VWDE: variants seen among roughly 807,000 people sequenced by gnomAD.
VWDE encodes the protein von Willebrand factor D and EGF domains, also known as von Willebrand factor D and EGF domain-containing protein.
VWDE carries 207 observed loss-of-function variants against 178.4 expected under a neutral mutation model. The ratio of observed to expected loss-of-function variants is 1.16; its 90% CI spans 1.04 to 1.30. The LOEUF (loss-of-function observed/expected upper bound fraction) is 1.30. VWDE is among the 50% of genes most tolerant of loss of function. The probability of loss-of-function intolerance (pLI) is 0.00; values close to 1 mark genes in which losing one functional copy is unlikely to be tolerated. For missense variants in VWDE, 2,287 were observed against 1,901.3 expected (o/e 1.20, Z -3.77); for synonymous variants, 738 against 651.4 (o/e 1.13, Z -2.02).
At chr7:12,395,657 T>C (rs1490076776) in intron 1 of VWDE, among the ~76,000 whole-genome samples, 2 of 152,036 alleles carry the variant, frequency 1.3e-5, no homozygotes, top group Admixed American at 1.3e-4. Flanking sequence ...TAAATTCATA[T>C]ATTTTATATC....
chr7:12,336,944 C>T (rs1399694427), intron 26 of VWDE, 44 bp downstream of exon 26: 1 of 1,490,180 alleles, frequency 6.7e-7, no homozygotes, highest in African/African-American at 1.4e-5. Context: ...TTTACATTCC[C>T]ATGAAGGACG....
chr7:12,396,917 A>G (rs1448081933), intron 1 of VWDE, among the ~76,000 whole-genome samples: 1 of 152,176 alleles, frequency 6.6e-6, no homozygotes, highest in African/African-American at 2.4e-5. Flanking sequence ...CCTGGGCAAC[A>G]AGAGTGAAAC....
In VWDE at chr7:12,331,071, A is replaced by T; in HGVS notation, c.*112T>A. 1 of 770,638 alleles carries T rather than the reference A, an allele frequency of 1.3e-6. No individual in the cohort carries two copies. Among genetic ancestry groups the T allele is most frequent in the Non-Finnish European group, 2.0e-6 (1 of 488,828 alleles). The allele number at this position is 770,638 out of a possible 1,614,324, so 47.7% of individuals were successfully genotyped here. On this transcript the variant is annotated 3_prime_UTR_variant, in exon 29 of 29. Coordinates refer to ENST00000275358, the MANE Select transcript of VWDE (RefSeq NM_001135924.3). ...TATTTTATTAGTTTCTTCAGTCTTT[A>T]AGATATTTTTTGAATGATGTTCAAA...
At chr7:12,383,684 A>G (rs1446295768) in intron 3 of VWDE, 83 bp from the exon 4 acceptor site, 1 of 1,197,184 alleles carries the variant, frequency 8.4e-7, no homozygotes, top group Non-Finnish European at 1.2e-6. Flanking sequence ...CAATTTATTG[A>G]AGGATGATTT....
intron 12 of VWDE, among the ~76,000 whole-genome samples, chr7:12,368,600 G>C (rs1446085512): frequency 6.6e-6 from 1 of 152,138 alleles, no homozygotes; most frequent in Non-Finnish European, 1.5e-5. Flanking sequence ...AGGAACCTCA[G>C]ACTACCTAGG....
chr7:12,350,937 C>A (rs916018998), intron 19 of VWDE, among the ~76,000 whole-genome samples: 1 of 152,030 alleles, frequency 6.6e-6, no homozygotes, highest in Admixed American at 6.6e-5. Context: ...TTATTGTCTG[C>A]CTGTAAAATC....
intron 2 of VWDE, among the ~76,000 whole-genome samples, chr7:12,392,943 A>G (rs1784454573): frequency 1.3e-5 from 2 of 152,084 alleles, no homozygotes; most frequent in Non-Finnish European, 2.9e-5. Flanking sequence ...TGCTGGCTGC[A>G]CAAATTTGGG....
intron 21 of VWDE, 145 bp from the exon 22 acceptor site, chr7:12,343,323 T>G: frequency 1.9e-6 from 1 of 520,118 alleles, no homozygotes; most frequent in Non-Finnish European, 3.4e-6. Context: ...CTTAGTTCTG[T>G]GGGACTGACT....
intron 1 of VWDE, among the ~76,000 whole-genome samples, chr7:12,396,711 T>A (rs1235980378): frequency 8.6e-5 from 13 of 150,706 alleles, no homozygotes; most frequent in Non-Finnish European, 1.9e-4. Context: ...AGGCCAGGAG[T>A]TGGAGACCAG....
chr7:12,403,043 A>G (rs1036347689), intron 1 of VWDE, among the ~76,000 whole-genome samples: 4 of 152,344 alleles, frequency 2.6e-5, no homozygotes, highest in African/African-American at 9.6e-5. Flanking sequence ...ACTTCACTGT[A>G]TTTTAAACTA....
At chr7:12,397,361 A>T (rs568691895) in intron 1 of VWDE, among the ~76,000 whole-genome samples, 1 of 152,226 alleles carries the variant, frequency 6.6e-6, no homozygotes, top group Non-Finnish European at 1.5e-5. Flanking sequence ...ATAACTGGCT[A>T]GCCATAGGCA....
intron 13 of VWDE, among the ~76,000 whole-genome samples, chr7:12,366,472 T>TA (rs1782866161): frequency 6.6e-6 from 1 of 152,158 alleles, no homozygotes; most frequent in African/African-American, 2.4e-5. Context: ...TCTATTCTCT[T>TA]AAGTGATATT....
rs4636090 is a variant in VWDE, at chr7:12,391,328, G to A, written c.244-1970C>T. On this transcript the variant is annotated intron_variant, in intron 2 of 28. Coordinates refer to ENST00000275358, the MANE Select transcript of VWDE (RefSeq NM_001135924.3). ...GTAAGTCCACGTGTATTAACCTGTA[G>A]AGAAAAAAAATCTATTGATTTTCTG... 3.4e-3 allele frequency among the ~76,000 whole-genome samples: 520 copies of A among 152,134 alleles called. 4 individuals are homozygous for A. Among genetic ancestry groups the A allele is most frequent in the African/African-American group, 0.012 (492 of 41,504 alleles).
chr7:12,380,081 C>G (rs1019036204), intron 5 of VWDE, among the ~76,000 whole-genome samples: 18 of 149,318 alleles, frequency 1.2e-4, no homozygotes, highest in Admixed American at 2.0e-4. Context: ...TCCAGCCTGG[C>G]GACAGAGTGA....
At chr7:12,340,268 G>A in intron 24 of VWDE, 54 bp downstream of exon 24, 18 of 1,344,560 alleles carry the variant, frequency 1.3e-5, no homozygotes, top group South Asian at 1.3e-5. Flanking sequence ...TCAGAGCTCT[G>A]TTGATATCTA....
chr7:12,356,197 C>G lies in VWDE; in HGVS notation c.3659G>C (p.Ser1220Thr). The change falls in exon 18 of 29, where the codon AGT becomes ACT. Residue 1220 changes from serine to threonine, a missense_variant. By Grantham distance (58) the Ser-to-Thr change is moderately conservative. Transcript: ENST00000275358. ...ACCACAAGGGTTGGATTGGCACCCA[C>G]TAATGTCCACTTCACAAAGGCTGCC... ...FHGSLCEVDI[S>T]GCQSNPCGLG... 2.6e-6 allele frequency: 4 copies of G among 1,551,588 alleles called. No homozygotes were observed. Among genetic ancestry groups the G allele is most frequent in the Non-Finnish European group, 3.5e-6 (4 of 1,146,966 alleles).
intron 2 of VWDE, 140 bp downstream of exon 2, chr7:12,393,454 G>T: frequency 1.5e-6 from 1 of 686,098 alleles, no homozygotes. Flanking sequence ...AGGTAATGTG[G>T]GAATAGTCTT....
intron 19 of VWDE, among the ~76,000 whole-genome samples, chr7:12,347,757 C>T (rs915345584): frequency 6.6e-6 from 1 of 152,084 alleles, no homozygotes; most frequent in South Asian, 2.1e-4. Context: ...AAAGAGCCCA[C>T]ATCGCCAAGT....
intron 16 of VWDE, among the ~76,000 whole-genome samples, chr7:12,358,314 C>T (rs1583300317): frequency 6.6e-6 from 1 of 150,380 alleles, no homozygotes; most frequent in Non-Finnish European, 1.5e-5. Context: ...GTGGAGCTTG[C>T]AGTGAGCTGA....
Sources: allele counts gnomAD v4.1 joint callset (sites outside exome capture counted in the v4.1 genomes callset), GRCh38; gene constraint gnomAD v4.1.1; transcripts MANE v1.5; gene names NCBI Gene and HGNC (gene_info 2026-07-23, HGNC 2026-07-21).